ARHGAP15: variants seen among roughly 807,000 people sequenced by gnomAD.
ARHGAP15 encodes the protein rho GTPase-activating protein 15.
Under a neutral mutation model 63.7 loss-of-function variants are expected in ARHGAP15, and 51 were observed. The ratio of observed to expected loss-of-function variants is 0.80; its 90% CI spans 0.64 to 1.01. The LOEUF (loss-of-function observed/expected upper bound fraction) is 1.01. Among genes scored for constraint, ARHGAP15 ranks in the 50% least tolerant of loss-of-function variants. ARHGAP15 has a pLI of 0.00. For missense variants in ARHGAP15, 560 were observed against 564.6 expected (o/e 0.99, Z 0.08); for synonymous variants, 191 against 193.8 (o/e 0.99, Z 0.12).
intron 3 of ARHGAP15, among the ~76,000 whole-genome samples, chr2:143,204,200 C>G (rs555208574): frequency 1.4e-4 from 22 of 152,220 alleles, no homozygotes; most frequent in Non-Finnish European, 2.6e-4. Flanking sequence ...CCCTGTTTAC[C>G]CACTTTCGCT....
At chr2:143,350,588 G>A (rs1182032566) in intron 6 of ARHGAP15, among the ~76,000 whole-genome samples, 2 of 151,162 alleles carry the variant, frequency 1.3e-5, no homozygotes, top group African/African-American at 4.9e-5. Context: ...GGGAGGCCGA[G>A]GGGGGTGGAT....
chr2:143,530,566 T>C (rs2105013823), intron 10 of ARHGAP15, among the ~76,000 whole-genome samples: 1 of 152,248 alleles, frequency 6.6e-6, no homozygotes, highest in South Asian at 2.1e-4. Context: ...TATATAAACC[T>C]TCAGGCATTG....
At position 143,386,572 on chromosome 2, in the gene ARHGAP15, A is replaced by T. The variant is rs565981695; in HGVS notation, c.475-49029A>T. Among the ~76,000 whole-genome samples the T allele has an allele frequency of 2.0e-5, 3 of 152,298 alleles. No homozygotes were observed. The South Asian group carries it at 6.2e-4, about 32-fold the overall frequency. On this transcript the variant is annotated intron_variant, in intron 6 of 13. Coordinates refer to ENST00000295095, the MANE Select transcript of ARHGAP15 (RefSeq NM_018460.4). ...TAGTGAGAAATAGACTGAAGTTAGA[A>T]TACCTTTTTTCACTCACATAATAAA...
chr2:143,342,893 CTTGT>C lies in ARHGAP15; in HGVS notation c.474+92296_474+92299del, dbSNP rs1157699085. 6.2e-5 allele frequency among the ~76,000 whole-genome samples: 9 copies of C among 145,812 alleles called. No homozygotes were observed. The East Asian group carries it at 1.7e-3, about 28-fold the overall frequency. ...CTTCCAATACCACACACTTTCCTTC[CTTGT>C]TTTAATCTTTTTTTGTAAGAACTTA... is the stretch of plus-strand genomic sequence containing the variant. On this transcript the variant is annotated intron_variant, in intron 6 of 13. Transcript: ENST00000295095.
chr2:143,472,718 G>A (rs144524235), intron 8 of ARHGAP15, among the ~76,000 whole-genome samples: 2 of 152,208 alleles, frequency 1.3e-5, no homozygotes, highest in African/African-American at 4.8e-5. Flanking sequence ...TGAAGAGGAG[G>A]AGGAAGGGAG....
intron 3 of ARHGAP15, among the ~76,000 whole-genome samples, chr2:143,206,028 C>T (rs946859663): frequency 1.3e-5 from 2 of 151,984 alleles, no homozygotes; most frequent in East Asian, 1.9e-4. Context: ...CCCCAATTTA[C>T]GTTATTTATT....
chr2:143,176,410 C>T (rs1006303181), intron 2 of ARHGAP15, among the ~76,000 whole-genome samples: 3 of 152,016 alleles, frequency 2.0e-5, no homozygotes, highest in African/African-American at 7.2e-5. Flanking sequence ...AATTGATATT[C>T]ATATGCAGAA....
At chr2:143,353,764 A>G (rs1240894653) in intron 6 of ARHGAP15, among the ~76,000 whole-genome samples, 1 of 152,172 alleles carries the variant, frequency 6.6e-6, no homozygotes, top group Non-Finnish European at 1.5e-5. Context: ...CATAACTTAG[A>G]AACTGTTTTA....
At chr2:143,269,790 T>C (rs1201632061) in intron 6 of ARHGAP15, among the ~76,000 whole-genome samples, 1 of 152,140 alleles carries the variant, frequency 6.6e-6, no homozygotes, top group Non-Finnish European at 1.5e-5. Context: ...TTCTCAGGGA[T>C]ATACTGGCCA....
chr2:143,463,696 T>A (rs1691071338), intron 8 of ARHGAP15, among the ~76,000 whole-genome samples: 1 of 152,208 alleles, frequency 6.6e-6, no homozygotes, highest in Admixed American at 6.5e-5. Context: ...GATTATACAA[T>A]GCCTTTTTGG....
At chr2:143,394,528 A>G (rs538690577) in intron 6 of ARHGAP15, among the ~76,000 whole-genome samples, 4 of 151,608 alleles carry the variant, frequency 2.6e-5, no homozygotes, top group Non-Finnish European at 5.9e-5. Context: ...TTTAATGGTG[A>G]TAATGATAAA....
intron 11 of ARHGAP15, 73 bp from the exon 12 acceptor site, chr2:143,624,060 T>A (rs971855015): frequency 1.9e-5 from 30 of 1,555,652 alleles, no homozygotes; most frequent in Non-Finnish European, 2.5e-5. Flanking sequence ...TAGGCAAACA[T>A]TAACATAATA....
chr2:143,448,650 C>T (rs1259355977), intron 8 of ARHGAP15, among the ~76,000 whole-genome samples: 2 of 151,858 alleles, frequency 1.3e-5, no homozygotes, highest in African/African-American at 4.8e-5. Context: ...GTTTGGAAAA[C>T]AACCATCAGG....
chr2:143,170,318 G>T (rs1441148575), intron 2 of ARHGAP15, among the ~76,000 whole-genome samples: 2 of 152,076 alleles, frequency 1.3e-5, no homozygotes, highest in Admixed American at 6.6e-5. Context: ...ACCATGTGGG[G>T]ACATCTATAT....
chr2:143,767,716 G>T (rs1477755159), intron 13 of ARHGAP15, among the ~76,000 whole-genome samples: 1 of 151,906 alleles, frequency 6.6e-6, no homozygotes, highest in Non-Finnish European at 1.5e-5. Flanking sequence ...AGTCATTTTT[G>T]CTGTTTAATA....
chr2:143,430,273 G>A (rs2105076062), intron 6 of ARHGAP15, among the ~76,000 whole-genome samples: 1 of 151,148 alleles, frequency 6.6e-6, no homozygotes, highest in South Asian at 2.1e-4. Flanking sequence ...GCTTTAACAA[G>A]TAACATTTTT....
intron 6 of ARHGAP15, among the ~76,000 whole-genome samples, chr2:143,348,756 A>G: frequency 6.6e-6 from 1 of 152,194 alleles, no homozygotes; most frequent in Non-Finnish European, 1.5e-5. Context: ...TAATCATTAT[A>G]AAATTTCAAT....
At chr2:143,637,301 G>T (rs544918465) in intron 12 of ARHGAP15, among the ~76,000 whole-genome samples, 1 of 152,114 alleles carries the variant, frequency 6.6e-6, no homozygotes, top group South Asian at 2.1e-4. Context: ...TAAAATATTT[G>T]ATTTTTTCCT....
Position 143,768,289 on chromosome 2 carries a change from T to G in ARHGAP15, c.*117T>G. On this transcript the variant is annotated 3_prime_UTR_variant, in exon 14 of 14. Transcript: ENST00000295095. ...CTTTCAAGCGACAGATGCCTCATTT[T>G]GTGAAAACTTAATGATGATTTTGTG... The G allele has an allele frequency of 1.1e-6, 1 of 941,874 alleles. No individual in the cohort carries two copies. 58.3% of individuals were successfully genotyped at this position (941,874 alleles called of 1,614,324 possible). A position where few individuals can be genotyped will look rare whatever the true frequency, so the allele number is the denominator to read the frequency against.
Sources: allele counts gnomAD v4.1 joint callset (sites outside exome capture counted in the v4.1 genomes callset), GRCh38; gene constraint gnomAD v4.1.1; transcripts MANE v1.5; gene names NCBI Gene and HGNC (gene_info 2026-07-23, HGNC 2026-07-21).